The following PNPLA8 variants were observed in gnomAD, a reference collection of about 807,000 sequenced individuals.
PNPLA8 encodes the protein calcium-independent phospholipase A2-gamma.
A neutral mutation model predicts 76.9 loss-of-function variants in PNPLA8; 39 were observed. The ratio of observed to expected loss-of-function variants is 0.51; its 90% CI spans 0.39 to 0.66. The LOEUF (loss-of-function observed/expected upper bound fraction) is 0.66. PNPLA8 is among the 30% of genes least tolerant of loss of function. PNPLA8 has a pLI of 0.00. For synonymous variants in PNPLA8, 301 were observed against 307.9 expected (o/e 0.98, Z 0.24); for missense variants, 887 against 918.0 (o/e 0.97, Z 0.44).
At chr7:108,495,534 G>C (rs976310001) in intron 7 of PNPLA8, among the ~76,000 whole-genome samples, 1 of 152,038 alleles carries the variant, frequency 6.6e-6, no homozygotes, top group Admixed American at 6.6e-5. Context: ...TTTGTTCTTA[G>C]TGGGATTATA....
intron 9 of PNPLA8, among the ~76,000 whole-genome samples, chr7:108,481,478 C>G (rs550443237): frequency 6.6e-6 from 1 of 152,290 alleles, no homozygotes; most frequent in East Asian, 1.9e-4. Context: ...GATGTCTTTT[C>G]ACACCCTCAT....
chr7:108,518,334 A>G (rs564620674), intron 2 of PNPLA8: 1 of 152,264 alleles, frequency 6.6e-6, no homozygotes, highest in Admixed American at 6.5e-5. Flanking sequence ...AGCTGTTGCC[A>G]AAAGCAGTGT....
At chr7:108,488,318 G>A (rs145453591) in intron 8 of PNPLA8, among the ~76,000 whole-genome samples, 2,714 of 152,290 alleles carry the variant, frequency 0.018, 92 homozygotes, top group African/African-American at 0.061. Flanking sequence ...AGTGGCTCAC[G>A]CCAGTAATCC....
intron 1 of PNPLA8, among the ~76,000 whole-genome samples, chr7:108,523,784 C>T (rs764594042): frequency 3.9e-5 from 6 of 152,164 alleles, no homozygotes; most frequent in Non-Finnish European, 8.8e-5. Context: ...TGACCACTTT[C>T]TGATGCTGGG....
intron 4 of PNPLA8, among the ~76,000 whole-genome samples, chr7:108,512,696 T>C (rs933783636): frequency 2.6e-5 from 4 of 152,204 alleles, no homozygotes; most frequent in Admixed American, 6.5e-5. Context: ...ACACGTTATA[T>C]GCAATTTGTC....
intron 8 of PNPLA8, among the ~76,000 whole-genome samples, chr7:108,488,352 G>A (rs1296426275): frequency 6.6e-6 from 1 of 152,184 alleles, no homozygotes; most frequent in East Asian, 1.9e-4. Flanking sequence ...GGCCAAGGAG[G>A]GTGGATCACT....
chr7:108,482,852 A>G (rs1449554623), intron 9 of PNPLA8, among the ~76,000 whole-genome samples: 1 of 152,218 alleles, frequency 6.6e-6, no homozygotes, highest in Admixed American at 6.5e-5. Flanking sequence ...TCTCCCAAGT[A>G]GTTTTCTTTG....
intron 4 of PNPLA8, chr7:108,510,813 A>G (rs1862862976): frequency 1.2e-6 from 2 of 1,600,678 alleles, no homozygotes; most frequent in Non-Finnish European, 8.5e-7. Flanking sequence ...CATGAGATCT[A>G]TACTGTTGGA....
chr7:108,522,216 C>A (rs2154517211), intron 1 of PNPLA8, among the ~76,000 whole-genome samples: 1 of 151,894 alleles, frequency 6.6e-6, no homozygotes, highest in East Asian at 1.9e-4. Flanking sequence ...ATCACTTGAA[C>A]CCGGGAGGCG....
intron 5 of PNPLA8, 105 bp downstream of exon 5, chr7:108,502,386 T>G: frequency 1.1e-6 from 1 of 907,924 alleles, no homozygotes; most frequent in African/African-American, 1.9e-5. Context: ...GAGGTTGCAG[T>G]GAGCTGAGAT....
chr7:108,498,392 G>C (rs1861712412), intron 5 of PNPLA8, among the ~76,000 whole-genome samples: 1 of 151,094 alleles, frequency 6.6e-6, no homozygotes, highest in Non-Finnish European at 1.5e-5. Context: ...AGCCTCCCGA[G>C]TAGCTGGGAC....
chr7:108,473,867 G>A (rs1859794769), intron 10 of PNPLA8, among the ~76,000 whole-genome samples: 1 of 152,086 alleles, frequency 6.6e-6, no homozygotes, highest in South Asian at 2.1e-4. Context: ...ACCATGCCCA[G>A]ATAGTTTTTT....
At chr7:108,485,420 A>G (rs1337080680) in intron 9 of PNPLA8, among the ~76,000 whole-genome samples, 3 of 152,150 alleles carry the variant, frequency 2.0e-5, no homozygotes, top group African/African-American at 4.8e-5. Context: ...ACTCTTAATT[A>G]TATCACTACT....
upstream of PNPLA8, chr7:108,526,282 C>T (rs1305922800): frequency 6.3e-6 from 1 of 159,234 alleles, no homozygotes; most frequent in African/African-American, 2.4e-5. Flanking sequence ...AATCTCCGTT[C>T]CTCCCCCGCC....
chr7:108,491,332 A>G, intron 8 of PNPLA8, 78 bp downstream of exon 8: 3 of 831,940 alleles, frequency 3.6e-6, no homozygotes, highest in Non-Finnish European at 6.1e-6. Flanking sequence ...AAATAAAATA[A>G]AATGGCCCTC....
At position 108,514,259 on chromosome 7, in the gene PNPLA8, C is replaced by A. The variant is rs759468647; in HGVS notation, c.1091G>T (p.Arg364Leu). 22 of 1,612,074 alleles carry A rather than the reference C, an allele frequency of 1.4e-5. No individual in the cohort carries two copies. Among genetic ancestry groups the A allele is most frequent in the Non-Finnish European group, 1.9e-5 (22 of 1,178,288 alleles). ...TCTTCTTAATGCCTGAACTAATGCC[C>A]GGGTCCTGTTATCAATACTCACCCT... ...IARVSIDNRT[R>L]ALVQALRRTT... is the part of the protein sequence containing the mutation. The change falls in exon 4 of 11, where the codon CGG (arginine) becomes CTG (leucine). Residue 364 changes from arginine to leucine, a missense_variant. Physicochemically the swap from Arg to Leu is moderately radical, Grantham distance 102. Transcript: ENST00000257694.
chr7:108,519,393 G>C (rs1863580723), intron 2 of PNPLA8, among the ~76,000 whole-genome samples: 1 of 152,024 alleles, frequency 6.6e-6, no homozygotes, highest in Non-Finnish European at 1.5e-5. Context: ...TACACACACA[G>C]AGGCAAACAG....
chr7:108,472,969 C>CT (rs1341451142), intron 10 of PNPLA8, among the ~76,000 whole-genome samples: 1 of 151,784 alleles, frequency 6.6e-6, no homozygotes, highest in South Asian at 2.1e-4. Context: ...TCCAACTTTC[C>CT]TTTTTTTTGG....
At chr7:108,517,031 C>T (rs961329393) in intron 2 of PNPLA8, among the ~76,000 whole-genome samples, 10 of 152,054 alleles carry the variant, frequency 6.6e-5, no homozygotes, top group East Asian at 5.8e-4. Flanking sequence ...AGCTGTCATC[C>T]GTAATATCCA....
Sources: gnomAD v4.1 joint callset for allele counts (sites outside exome capture counted in the v4.1 genomes callset) on GRCh38, gnomAD v4.1.1 for gene constraint, MANE v1.5 for transcripts, NCBI Gene and HGNC (gene_info 2026-07-23, HGNC 2026-07-21) for gene names.